Variants in PTPRD observed in about 807,000 individuals in gnomAD.
The protein encoded by PTPRD is protein tyrosine phosphatase receptor type D.
Under a neutral mutation model 214.5 loss-of-function variants are expected in PTPRD, and 34 were observed. The ratio of observed to expected loss-of-function variants is 0.16; its 90% CI spans 0.12 to 0.21. The LOEUF is 0.21. PTPRD is among the 10% of genes least tolerant of loss of function. PTPRD has a pLI of 1.00. For synonymous variants in PTPRD, 1,128 were observed against 845.7 expected (o/e 1.33, Z -5.79); for missense variants, 2,545 against 2,398.7 (o/e 1.06, Z -1.27).
chr9:8,323,272 T>C (rs576136425), intron 44 of PTPRD, among the ~76,000 whole-genome samples: 18 of 152,338 alleles, frequency 1.2e-4, no homozygotes, highest in African/African-American at 3.8e-4. Context: ...AGGAGATTAA[T>C]GTTCTCATGC....
intron 3 of PTPRD, among the ~76,000 whole-genome samples, chr9:10,289,672 C>G (rs1210607627): frequency 1.3e-5 from 2 of 152,162 alleles, no homozygotes; most frequent in African/African-American, 4.8e-5. Flanking sequence ...CAACACAGCA[C>G]TCTAGGACAT....
At chr9:9,003,131 C>A (rs1405661775) in intron 11 of PTPRD, among the ~76,000 whole-genome samples, 1 of 152,002 alleles carries the variant, frequency 6.6e-6, no homozygotes, top group Non-Finnish European at 1.5e-5. Flanking sequence ...TGACCATTAA[C>A]TATTATTGAA....
chr9:8,353,304 C>T (rs1159293964), intron 39 of PTPRD, among the ~76,000 whole-genome samples: 2 of 152,122 alleles, frequency 1.3e-5, no homozygotes, highest in African/African-American at 4.8e-5. Flanking sequence ...CCCTAGCAAC[C>T]TCCAGCAGGC....
At chr9:8,948,543 T>TTATATATATATATTTATATATATTTATA in intron 11 of PTPRD, among the ~76,000 whole-genome samples, 1 of 31,170 alleles carries the variant, frequency 3.2e-5, no homozygotes, top group Non-Finnish European at 7.5e-5. Context: ...ATATATATAT[T>TTATATATATATATTTATATATATTTATA]TATATATATT....
intron 9 of PTPRD, among the ~76,000 whole-genome samples, chr9:9,358,623 C>G (rs1265659392): frequency 6.6e-6 from 1 of 151,140 alleles, no homozygotes; most frequent in Non-Finnish European, 1.5e-5. Flanking sequence ...TGATTGGCTC[C>G]CATGCTCCAG....
At chr9:9,935,759 C>G (rs1027579192) in intron 5 of PTPRD, among the ~76,000 whole-genome samples, 1 of 148,332 alleles carries the variant, frequency 6.7e-6, no homozygotes, top group Non-Finnish European at 1.5e-5. Flanking sequence ...AAAAAAAGCC[C>G]GCATTGCCAA....
intron 10 of PTPRD, among the ~76,000 whole-genome samples, chr9:9,159,072 T>C (rs1216923591): frequency 6.6e-6 from 1 of 152,202 alleles, no homozygotes; most frequent in Non-Finnish European, 1.5e-5. Context: ...CAATAAAGGC[T>C]ATGCATGATA....
chr9:9,354,082 T>C (rs975588880), intron 9 of PTPRD, among the ~76,000 whole-genome samples: 3 of 151,818 alleles, frequency 2.0e-5, no homozygotes, highest in African/African-American at 7.2e-5. Context: ...TGAAGCCACA[T>C]TGAGGAATCC....
At chr9:8,484,588 T>C (rs1394247936) in intron 29 of PTPRD, among the ~76,000 whole-genome samples, 28 of 122,942 alleles carry the variant, frequency 2.3e-4, no homozygotes, top group Admixed American at 2.2e-3. Flanking sequence ...TTTCCAAGTC[T>C]ATCAAAAATA....
At chr9:9,666,992 G>T (rs554409397) in intron 7 of PTPRD, among the ~76,000 whole-genome samples, 4 of 152,072 alleles carry the variant, frequency 2.6e-5, no homozygotes, top group African/African-American at 9.6e-5. Context: ...TAAAGTCATC[G>T]TTTCTCTTTA....
chr9:9,340,290 A>G (rs914997978), intron 9 of PTPRD, among the ~76,000 whole-genome samples: 5 of 152,214 alleles, frequency 3.3e-5, no homozygotes, highest in Non-Finnish European at 7.3e-5. Context: ...TGCATATAAG[A>G]TATGGAATGA....
intron 3 of PTPRD, among the ~76,000 whole-genome samples, chr9:10,215,572 TG>T (rs2099537397): frequency 6.6e-6 from 1 of 152,028 alleles, no homozygotes; most frequent in South Asian, 2.1e-4. Flanking sequence ...ACTGTCAACT[TG>T]GGAAAATAAT....
intron 44 of PTPRD, among the ~76,000 whole-genome samples, chr9:8,329,211 C>G (rs560354120): frequency 3.3e-5 from 5 of 151,954 alleles, no homozygotes; most frequent in Non-Finnish European, 7.4e-5. Flanking sequence ...CAGATGGGGT[C>G]TCTGGGTGGA....
chr9:9,431,377 T>C (rs540296227), intron 8 of PTPRD, among the ~76,000 whole-genome samples: 3 of 152,124 alleles, frequency 2.0e-5, no homozygotes, highest in African/African-American at 7.2e-5. Context: ...CCAGTTAGAA[T>C]GGCGATCATT....
chr9:9,990,436 G>T (rs891621240), intron 4 of PTPRD, among the ~76,000 whole-genome samples: 1 of 152,202 alleles, frequency 6.6e-6, no homozygotes. Context: ...AAGTCAGTGA[G>T]GGGGCTTGGC....
At chr9:9,747,580 CTT>C (rs1387910168) in intron 6 of PTPRD, among the ~76,000 whole-genome samples, 1 of 132,784 alleles carries the variant, frequency 7.5e-6, no homozygotes, top group Admixed American at 8.1e-5. Flanking sequence ...GAGTTTCACT[CTT>C]TTCGCCCAGG....
intron 3 of PTPRD, among the ~76,000 whole-genome samples, chr9:10,162,455 A>G (rs984904968): frequency 6.6e-6 from 1 of 151,110 alleles, no homozygotes; most frequent in Middle Eastern, 3.4e-3. Flanking sequence ...AGCAAGACAT[A>G]TATCACATAT....
intron 10 of PTPRD, among the ~76,000 whole-genome samples, chr9:9,046,364 T>A (rs10977452): frequency 0.11 from 17,155 of 152,206 alleles, 1,533 homozygotes; most frequent in African/African-American, 0.25. Flanking sequence ...GTGATTATAT[T>A]GGGAAGGATG....
intron 7 of PTPRD, among the ~76,000 whole-genome samples, chr9:9,723,087 C>A (rs2097994586): frequency 6.6e-6 from 1 of 151,988 alleles, no homozygotes; most frequent in Non-Finnish European, 1.5e-5. Context: ...TAGTTAAGAA[C>A]CACTGTGTAA....
Sources: gnomAD v4.1 joint callset for allele counts (sites outside exome capture counted in the v4.1 genomes callset) on GRCh38, gnomAD v4.1.1 for gene constraint, MANE v1.5 for transcripts, NCBI Gene and HGNC (gene_info 2026-07-23, HGNC 2026-07-21) for gene names.